Variants in STXBP4 observed in about 807,000 individuals in gnomAD.
The protein encoded by STXBP4 is syntaxin-binding protein 4.
STXBP4 carries 55 observed loss-of-function variants against 76.1 expected under a neutral mutation model. The ratio of observed to expected loss-of-function variants is 0.72; its 90% CI spans 0.58 to 0.91. The LOEUF (loss-of-function observed/expected upper bound fraction) is 0.91. Ranked by LOEUF, STXBP4 falls within the 40% of genes least tolerant of loss-of-function variation. STXBP4 has a pLI of 0.00. For missense variants in STXBP4, 618 were observed against 636.9 expected, an observed-to-expected ratio of 0.97 and a Z score of 0.32; for synonymous variants, 201 against 220.2, an observed-to-expected ratio of 0.91 and a Z score of 0.77.
chr17:55,053,431 C>A (rs1236595408), intron 12 of STXBP4, among the ~76,000 whole-genome samples: 1 of 151,820 alleles, frequency 6.6e-6, no homozygotes, highest in Non-Finnish European at 1.5e-5. Flanking sequence ...AATATGTGAG[C>A]GAGATTGAGA....
At chr17:55,047,185 C>CAT (rs71361750) in intron 12 of STXBP4, 31 bp downstream of exon 12, 2 of 807,968 alleles carry the variant, frequency 2.5e-6, no homozygotes, top group South Asian at 2.0e-5. Context: ...TATATGTGCT[C>CAT]GTGTGTGTGT....
chr17:55,212,067 G>C, the STXBP4 span, among the ~76,000 whole-genome samples: 3 of 151,280 alleles, frequency 2.0e-5, no homozygotes, highest in Non-Finnish European at 4.4e-5. Flanking sequence ...TGATCCACCC[G>C]CCTCAGCCTC....
intron 17 of STXBP4, among the ~76,000 whole-genome samples, chr17:55,148,629 C>T (rs1377649474): frequency 2.0e-5 from 3 of 152,030 alleles, no homozygotes; most frequent in Non-Finnish European, 4.4e-5. Context: ...ACCTCCACCT[C>T]CCAGGTTCAA....
the STXBP4 span, among the ~76,000 whole-genome samples, chr17:55,181,171 G>A: frequency 6.6e-6 from 1 of 152,114 alleles, no homozygotes; most frequent in Non-Finnish European, 1.5e-5. Context: ...AAATTCTTCT[G>A]CTACTTTGCA....
In STXBP4 at chr17:55,090,835, TTGTGTGTGTGTGTGTGTGTCTG is replaced by T. The variant is rs1203373539; in HGVS notation, c.1489+9672_1489+9693del. 1.1e-4 allele frequency among the ~76,000 whole-genome samples: 16 copies of T among 149,618 alleles called. No homozygotes were observed. The South Asian group carries it at 1.7e-3, about 16-fold the overall frequency. On this transcript the variant is annotated intron_variant, in intron 16 of 17. Transcript: ENST00000376352. ...TTACACATAGAAATGACATTTTAAA[TTGTGTGTGTGTGTGTGTGTCTG>T]TGTGTGTGTGTGTGTGTGTGTGTGT...
chr17:55,116,260 C>T (rs1382663408), intron 16 of STXBP4, among the ~76,000 whole-genome samples: 2 of 151,740 alleles, frequency 1.3e-5, no homozygotes, highest in African/African-American at 2.4e-5. Flanking sequence ...GTTTTATCAT[C>T]GAAATATGTT....
chr17:55,050,988 G>A (rs1011490363), intron 12 of STXBP4, among the ~76,000 whole-genome samples: 3 of 152,136 alleles, frequency 2.0e-5, no homozygotes, highest in Non-Finnish European at 4.4e-5. Context: ...TCTTAGAGAG[G>A]TGTCACTCCT....
At chr17:55,085,298 T>G (rs905273059) in intron 16 of STXBP4, among the ~76,000 whole-genome samples, 17 of 152,094 alleles carry the variant, frequency 1.1e-4, no homozygotes, top group Middle Eastern at 3.2e-3. Flanking sequence ...GCAAGGCACA[T>G]GTATACATAT....
chr17:55,031,309 C>A, intron 9 of STXBP4, 45 bp downstream of exon 9: 1 of 1,411,452 alleles, frequency 7.1e-7, no homozygotes, highest in South Asian at 1.2e-5. Flanking sequence ...AATCATCATT[C>A]AAGAGTTATG....
At chr17:55,044,087 G>A (rs1035904875) in intron 11 of STXBP4, 5 of 152,862 alleles carry the variant, frequency 3.3e-5, no homozygotes, top group African/African-American at 1.2e-4. Flanking sequence ...AAACACCTGG[G>A]CTCAAATGAC....
intron 16 of STXBP4, among the ~76,000 whole-genome samples, chr17:55,119,877 CTT>C (rs2079824811): frequency 6.6e-6 from 1 of 151,938 alleles, no homozygotes; most frequent in Non-Finnish European, 1.5e-5. Flanking sequence ...AAAAATGAGT[CTT>C]TGGATATTTT....
intron 17 of STXBP4, among the ~76,000 whole-genome samples, chr17:55,147,743 G>A (rs1025435397): frequency 3.3e-5 from 5 of 152,182 alleles, no homozygotes; most frequent in African/African-American, 1.2e-4. Flanking sequence ...AAGTTTCTGT[G>A]TAGAACAGGG....
At chr17:55,203,995 G>A in the STXBP4 span, among the ~76,000 whole-genome samples, 1 of 151,848 alleles carries the variant, frequency 6.6e-6, no homozygotes, top group Non-Finnish European at 1.5e-5. Context: ...GATTTTTGGG[G>A]TCATTTTTGG....
chr17:55,141,698 T>G (rs1482450541), intron 17 of STXBP4, among the ~76,000 whole-genome samples: 1 of 152,192 alleles, frequency 6.6e-6, no homozygotes, highest in Non-Finnish European at 1.5e-5. Flanking sequence ...AAATCCGTTT[T>G]GTATATCTTT....
In STXBP4 at chr17:55,089,784, G is replaced by T. The variant is rs150085763; in HGVS notation, c.1489+8601G>T. Among the ~76,000 whole-genome samples, 23 of 152,184 alleles carry T rather than the reference G, an allele frequency of 1.5e-4. No homozygotes were observed. In the East Asian group the frequency reaches 4.4e-3, roughly 29 times the overall value. ...GAAATGCATAATAAGAAAAAATCTG[G>T]CCAGGTAACCCATATGAGGTCTTTA... On this transcript the variant is annotated intron_variant, in intron 16 of 17. Transcript: ENST00000376352.
At chr17:55,095,259 A>G (rs1031465750) in intron 16 of STXBP4, among the ~76,000 whole-genome samples, 1 of 152,200 alleles carries the variant, frequency 6.6e-6, no homozygotes, top group Non-Finnish European at 1.5e-5. Flanking sequence ...CACTTTTTCA[A>G]AAGATGAAAC....
chr17:55,203,963 G>A, the STXBP4 span, among the ~76,000 whole-genome samples: 16 of 152,074 alleles, frequency 1.1e-4, no homozygotes, highest in Admixed American at 9.8e-4. Flanking sequence ...GGAGTTTATA[G>A]CACTTCTTGA....
At chr17:55,176,333 G>A (rs1156471796), downstream of STXBP4, among the ~76,000 whole-genome samples, 2 of 152,132 alleles carry the variant, frequency 1.3e-5, no homozygotes, top group African/African-American at 2.4e-5. Context: ...TAAATGATTC[G>A]TAGATATTGA....
In STXBP4 at chr17:55,004,312, A is replaced by G. The variant is rs138228602; in HGVS notation, c.575-3194A>G. On this transcript the variant is annotated intron_variant, in intron 7 of 17. Coordinates refer to ENST00000376352, the MANE Select transcript of STXBP4 (RefSeq NM_178509.6). ...AAGCAAAATAGTTATGGGGAAAAAT[A>G]TCCATTCAGAGTTCATGGTATTAAG... is the stretch of plus-strand genomic sequence containing the variant. Among the ~76,000 whole-genome samples the G allele has an allele frequency of 1.4e-3, 207 of 152,334 alleles. 1 individual carries two copies. In the Middle Eastern group the frequency reaches 0.014, roughly 10 times the overall value.
Sources: gnomAD v4.1 joint callset for allele counts (sites outside exome capture counted in the v4.1 genomes callset) on GRCh38, gnomAD v4.1.1 for gene constraint, MANE v1.5 for transcripts, NCBI Gene and HGNC (gene_info 2026-07-23, HGNC 2026-07-21) for gene names.